Variants in TMEM135 observed in about 807,000 individuals in gnomAD.
TMEM135 encodes the protein transmembrane protein 135.
A neutral mutation model predicts 60.3 loss-of-function variants in TMEM135; 30 were observed. The ratio of observed to expected loss-of-function variants is 0.50; its 90% CI spans 0.37 to 0.68. The LOEUF (loss-of-function observed/expected upper bound fraction) is 0.68, where lower values mean the gene tolerates loss of function less well. TMEM135 is among the 30% of genes least tolerant of loss of function. The pLI, the probability that TMEM135 is intolerant of heterozygous loss-of-function variation, is 0.00. For missense variants in TMEM135, 468 were observed against 548.8 expected (o/e 0.85, Z 1.47); for synonymous variants, 190 against 186.7 (o/e 1.02, Z -0.14).
intron 5 of TMEM135, among the ~76,000 whole-genome samples, chr11:87,222,213 T>A (rs377187928): frequency 3.3e-4 from 45 of 138,448 alleles, no homozygotes; most frequent in African/African-American, 1.2e-3. Context: ...AAATTATTGC[T>A]GGTCCGGGCA....
At chr11:87,103,996 A>C (rs1005499264) in intron 4 of TMEM135, among the ~76,000 whole-genome samples, 31 of 152,270 alleles carry the variant, frequency 2.0e-4, no homozygotes, top group Middle Eastern at 3.4e-3. Flanking sequence ...TCATACCCCC[A>C]AAAAAATTGC....
chr11:87,118,012 T>C (rs1857934824), intron 4 of TMEM135, among the ~76,000 whole-genome samples: 1 of 152,206 alleles, frequency 6.6e-6, no homozygotes, highest in South Asian at 2.1e-4. Context: ...GAGAACAACA[T>C]TAATCTTGTA....
chr11:87,204,008 C>T (rs1940179860), intron 5 of TMEM135, among the ~76,000 whole-genome samples: 1 of 152,060 alleles, frequency 6.6e-6, no homozygotes, highest in Non-Finnish European at 1.5e-5. Context: ...AGGTTCTTGT[C>T]AATCGTGCAC....
chr11:87,144,766 T>A (rs11234991), intron 4 of TMEM135, among the ~76,000 whole-genome samples: 15,447 of 146,892 alleles, frequency 0.11, 1,047 homozygotes, highest in East Asian at 0.19. Flanking sequence ...TTTTTTTTTT[T>A]ATTTAGATTT....
In TMEM135 at chr11:87,177,430, C is replaced by G. The variant is rs564184453; in HGVS notation, c.462+20024C>G. 2.0e-5 allele frequency among the ~76,000 whole-genome samples: 3 copies of G among 152,164 alleles called. No individual in the cohort carries two copies. In the East Asian group the frequency reaches 5.8e-4, roughly 29 times the overall value. On this transcript the variant is annotated intron_variant, in intron 5 of 14. Coordinates refer to ENST00000305494, the MANE Select transcript of TMEM135 (RefSeq NM_022918.4). ...ATGAAGAAATACATGATTATTATAA[C>G]TTTGAATGCCTTCTATAATCTTGGA...
intron 7 of TMEM135, among the ~76,000 whole-genome samples, chr11:87,297,313 GT>G (rs954232801): frequency 1.3e-5 from 2 of 152,306 alleles, no homozygotes; most frequent in African/African-American, 4.8e-5. Context: ...AAGGAAACTG[GT>G]TTGGGAGGGA....
intron 5 of TMEM135, among the ~76,000 whole-genome samples, chr11:87,214,743 G>A (rs1322794199): frequency 1.3e-5 from 2 of 152,132 alleles, no homozygotes; most frequent in African/African-American, 4.8e-5. Flanking sequence ...AGCTATGGTT[G>A]ACTTATGTAG....
Position 87,187,489 on chromosome 11 carries a change from GGGGATC to G in TMEM135, c.462+30084_462+30089del, listed in dbSNP as rs1369312600. On this transcript the variant is annotated intron_variant, in intron 5 of 14. Coordinates refer to ENST00000305494, the MANE Select transcript of TMEM135 (RefSeq NM_022918.4). ...TCGATATAACCCTCCCATGGGCTTT[GGGGATC>G]TTGCAGATCTTGACCTTAACTGTCA... Among the ~76,000 whole-genome samples, 3 of 152,132 alleles carry G rather than the reference GGGGATC, an allele frequency of 2.0e-5. No individual in the cohort carries two copies. In the East Asian group the frequency reaches 5.8e-4, roughly 29 times the overall value.
At chr11:87,102,118 C>G (rs1462851834) in intron 4 of TMEM135, among the ~76,000 whole-genome samples, 4 of 152,210 alleles carry the variant, frequency 2.6e-5, no homozygotes, top group African/African-American at 4.8e-5. Context: ...CAATTTAATT[C>G]TAATACTGTC....
chr11:87,274,937 T>C (rs775768653), intron 6 of TMEM135, among the ~76,000 whole-genome samples: 2 of 151,038 alleles, frequency 1.3e-5, no homozygotes, highest in Admixed American at 6.6e-5. Flanking sequence ...AACTCTTTTT[T>C]CCCCCTAAGG....
At chr11:87,256,398 G>T (rs1047568698) in intron 6 of TMEM135, among the ~76,000 whole-genome samples, 1 of 152,080 alleles carries the variant, frequency 6.6e-6, no homozygotes, top group African/African-American at 2.4e-5. Flanking sequence ...GAAGCGGTTC[G>T]CTATGAAAAG....
At chr11:87,074,512 A>C (rs981452227) in intron 3 of TMEM135, among the ~76,000 whole-genome samples, 3 of 152,158 alleles carry the variant, frequency 2.0e-5, no homozygotes, top group Admixed American at 2.0e-4. Context: ...GGTAGCTACT[A>C]TTTACTCTTA....
chr11:87,152,323 G>GT (rs1252853290), intron 4 of TMEM135, among the ~76,000 whole-genome samples: 1 of 151,960 alleles, frequency 6.6e-6, no homozygotes, highest in Non-Finnish European at 1.5e-5. Flanking sequence ...AGGGAGTAAC[G>GT]TTAAGTCTAT....
chr11:87,171,288 C>T (rs1939229342), intron 5 of TMEM135, among the ~76,000 whole-genome samples: 1 of 151,232 alleles, frequency 6.6e-6, no homozygotes, highest in South Asian at 2.1e-4. Flanking sequence ...TTTTGGTACT[C>T]TTATCACTGT....
intron 5 of TMEM135, among the ~76,000 whole-genome samples, chr11:87,176,779 T>A (rs1591079753): frequency 6.6e-6 from 1 of 151,872 alleles, no homozygotes; most frequent in Non-Finnish European, 1.5e-5. Flanking sequence ...GGTTAGGGAG[T>A]GAGTGAATGA....
chr11:87,057,031 A>G (rs1389993823), intron 1 of TMEM135, among the ~76,000 whole-genome samples: 1 of 152,190 alleles, frequency 6.6e-6, no homozygotes, highest in Non-Finnish European at 1.5e-5. Flanking sequence ...TCCATCACTA[A>G]AAGTTGAAGT....
chr11:87,292,316 C>G (rs1471673583), intron 6 of TMEM135, among the ~76,000 whole-genome samples: 2 of 152,250 alleles, frequency 1.3e-5, no homozygotes, highest in East Asian at 3.9e-4. Context: ...ATCTCTTTCC[C>G]AACTAGAATG....
At chr11:87,112,080 G>A (rs907783988) in intron 4 of TMEM135, among the ~76,000 whole-genome samples, 30 of 152,136 alleles carry the variant, frequency 2.0e-4, no homozygotes, top group African/African-American at 7.2e-4. Flanking sequence ...TATAGAGCAT[G>A]ATTGTTTTAT....
At chr11:87,106,659 T>C (rs1371902360) in intron 4 of TMEM135, among the ~76,000 whole-genome samples, 1 of 152,228 alleles carries the variant, frequency 6.6e-6, no homozygotes, top group East Asian at 1.9e-4. Flanking sequence ...TAAGTGTTTA[T>C]TAGAATTCAC....
Sources: allele counts gnomAD v4.1 joint callset (sites outside exome capture counted in the v4.1 genomes callset), GRCh38; gene constraint gnomAD v4.1.1; transcripts MANE v1.5; gene names NCBI Gene and HGNC (gene_info 2026-07-23, HGNC 2026-07-21).